The following ANAPC11 variants were observed in gnomAD, a reference collection of about 807,000 sequenced individuals.
ANAPC11 encodes the protein anaphase-promoting complex subunit 11.
Under a neutral mutation model 11.8 loss-of-function variants are expected in ANAPC11, and 5 were observed. That is an observed-to-expected ratio of 0.42 (90% CI 0.22 to 0.89). The LOEUF (loss-of-function observed/expected upper bound fraction) is 0.89. Ranked by LOEUF, ANAPC11 falls within the 40% of genes least tolerant of loss-of-function variation. The pLI is 0.28. For missense variants in ANAPC11, 68 were observed against 112.9 expected, an observed-to-expected ratio of 0.60 and a Z score of 1.80; for synonymous variants, 45 against 41.0, an observed-to-expected ratio of 1.10 and a Z score of -0.38.
chr17:81,895,430 T>C (rs1220606486), intron 3 of ANAPC11, among the ~76,000 whole-genome samples: 2 of 152,144 alleles, frequency 1.3e-5, no homozygotes, highest in Non-Finnish European at 2.9e-5. Context: ...TATATAAAGA[T>C]CCTGTCACAG....
At position 81,899,569 on chromosome 17, in the gene ANAPC11, C is replaced by G. The variant is rs367604570; in HGVS notation, c.110-351C>G. 5.4e-5 allele frequency: 87 copies of G among 1,603,066 alleles called. 1 individual carries two copies. Among genetic ancestry groups the G allele is most frequent in the Non-Finnish European group, 6.8e-5 (80 of 1,172,986 alleles). On this transcript the variant is annotated intron_variant, in intron 3 of 3. Transcript: ENST00000344877. The stretch of plus-strand genomic sequence containing the variant: ...TCAGACATTGCCCTTTTTCCCCAGC[C>G]TCAAGCACAGGGGACACAGGGTGGG...
At chr17:81,892,761 G>A (rs968802312) in intron 1 of ANAPC11, among the ~76,000 whole-genome samples, 4 of 151,926 alleles carry the variant, frequency 2.6e-5, no homozygotes, top group African/African-American at 9.7e-5. Flanking sequence ...GACCTCAGAT[G>A]ATCCGCCCGC....
intron 3 of ANAPC11, 129 bp downstream of exon 3, chr17:81,894,715 CTTTT>C (rs529200093): frequency 2.9e-3 from 1,046 of 358,284 alleles, no homozygotes; most frequent in South Asian, 6.5e-3. Flanking sequence ...GTTTCATTTT[CTTTT>C]TTTTTTTTTT....
chr17:81,899,409 G>T, intron 3 of ANAPC11: 4 of 1,613,956 alleles, frequency 2.5e-6, no homozygotes, highest in Non-Finnish European at 3.4e-6. Context: ...TAGGTCCCCA[G>T]ACCCCACCCC....
upstream of ANAPC11, chr17:81,890,884 ACGGCTACTCCGGACCCTTCCTCTTCC>A: frequency 1.2e-6 from 2 of 1,608,772 alleles, no homozygotes; most frequent in Non-Finnish European, 1.7e-6. Flanking sequence ...CCTGACCCTC[ACGGCTACTCCGGACCCTTCCTCTTCC>A]CGGCCTGAGA....
intron 1 of ANAPC11, 50 bp downstream of exon 1, chr17:81,891,891 G>A (rs1308770725): frequency 1.1e-5 from 2 of 185,704 alleles, no homozygotes; most frequent in Non-Finnish European, 2.3e-5. Flanking sequence ...GTGGGGCGGC[G>A]GCCGTTGGAG....
At chr17:81,896,182 A>G (rs749126562) in intron 3 of ANAPC11, among the ~76,000 whole-genome samples, 6 of 152,308 alleles carry the variant, frequency 3.9e-5, no homozygotes, top group Middle Eastern at 3.4e-3. Flanking sequence ...GCACTTTGGG[A>G]GGCCGAGGTG....
In ANAPC11 at chr17:81,899,784, C is replaced by A; in HGVS notation, c.110-136C>A. 3.9e-6 allele frequency: 4 copies of A among 1,029,690 alleles called. No homozygotes were observed. In the South Asian group the frequency reaches 6.7e-5, roughly 17 times the overall value. 63.8% of individuals were successfully genotyped at this position (1,029,690 alleles called of 1,614,324 possible). On this transcript the variant is annotated intron_variant, in intron 3 of 3. Coordinates refer to ENST00000344877, the MANE Select transcript of ANAPC11 (RefSeq NM_001002248.3). The stretch of plus-strand genomic sequence containing the variant: ...ACCGATTGGGTAACACTCCTGATTT[C>A]GGCTTCTCTGAAACATGAGAGGCTG...
intron 3 of ANAPC11, chr17:81,899,060 A>G (rs2039841128): frequency 1.5e-6 from 1 of 659,370 alleles, no homozygotes; most frequent in Non-Finnish European, 2.6e-6. Flanking sequence ...CGCTGCCAGG[A>G]CAGGAGGGTG....
At chr17:81,896,129 C>A (rs2039733570) in intron 3 of ANAPC11, among the ~76,000 whole-genome samples, 1 of 151,454 alleles carries the variant, frequency 6.6e-6, no homozygotes, top group Non-Finnish European at 1.5e-5. Flanking sequence ...ACTAAAAATC[C>A]AAAAAAATTA....
At chr17:81,891,084 C>T (rs1469574942), upstream of ANAPC11, 1 of 673,974 alleles carries the variant, frequency 1.5e-6, no homozygotes, top group African/African-American at 1.8e-5. Context: ...CACGAGGCCC[C>T]AACGTCCGGA....
At chr17:81,898,937 G>A in intron 3 of ANAPC11, 1 of 441,846 alleles carries the variant, frequency 2.3e-6, no homozygotes, top group Non-Finnish European at 4.1e-6. Context: ...CAGGGGGCTA[G>A]CAGGCTTCAG....
At chr17:81,894,969 C>G (rs575327073) in intron 3 of ANAPC11, 108 of 190,100 alleles carry the variant, frequency 5.7e-4, no homozygotes, top group African/African-American at 2.4e-3. Flanking sequence ...CTGCCCGCTT[C>G]AGCCTTCCAA....
In ANAPC11 at chr17:81,891,793, A is replaced by C; in HGVS notation, c.-123A>C. 1 of 264,600 alleles carries C rather than the reference A, an allele frequency of 3.8e-6. No homozygotes were observed. The highest frequency in any genetic ancestry group is 7.0e-6 in the Non-Finnish European group (1 of 143,722). 16.4% of individuals were successfully genotyped at this position (264,600 alleles called of 1,614,324 possible). ...GGGCCGCGACTGTGGTCGTTTTTAT[A>C]CCTTCCCGCGCGGACGCCGGCGCTG... On this transcript the variant is annotated 5_prime_UTR_variant, in exon 1 of 4. Transcript: ENST00000344877.
chr17:81,898,186 C>T (rs2039807085), intron 3 of ANAPC11: 2 of 152,410 alleles, frequency 1.3e-5, no homozygotes, highest in Middle Eastern at 6.8e-3. Flanking sequence ...AGGCATTCGA[C>T]TTCTGGAGCA....
chr17:81,893,602 T>C lies in ANAPC11; in HGVS notation c.-24T>C, dbSNP rs2039629671. The C allele has an allele frequency of 1.3e-5, 2 of 152,112 alleles. No individual in the cohort carries two copies. Among genetic ancestry groups the C allele is most frequent in the African/African-American group, 2.4e-5 (1 of 41,404 alleles). The allele number at this position is 152,112 out of a possible 1,614,324, so 9.4% of individuals were successfully genotyped here. ...GGCCCATTTGAGATCTTTGAAGATA[T>C]CCTCAACGTGAGGTAAAACCAAACT... is the stretch of plus-strand genomic sequence containing the variant. On this transcript the variant is annotated 5_prime_UTR_variant, in exon 2 of 4. Transcript: ENST00000344877.
In ANAPC11 at chr17:81,899,353, C is replaced by T. The variant is rs142049212; in HGVS notation, c.110-567C>T. ...GTGCCCATCAACACAGCTTCCCCAA[C>T]GCCTGGGCAGCACACCGGATCCCTG... On this transcript the variant is annotated intron_variant, in intron 3 of 3. Coordinates refer to ENST00000344877, the MANE Select transcript of ANAPC11 (RefSeq NM_001002248.3). 1.5e-4 allele frequency: 235 copies of T among 1,613,856 alleles called. No homozygotes were observed. In the African/African-American group the frequency reaches 2.0e-3, roughly 14 times the overall value.
At chr17:81,899,630 G>C (rs2039871515) in intron 3 of ANAPC11, 2 of 1,434,146 alleles carry the variant, frequency 1.4e-6, no homozygotes, top group Admixed American at 2.1e-5. Context: ...AGAGGCCCCT[G>C]GGCTCCCCAC....
upstream of ANAPC11, chr17:81,891,341 T>A: frequency 8.6e-7 from 1 of 1,158,318 alleles, no homozygotes. Context: ...AGGGCGCCGG[T>A]CGGTTCCTGC....
Sources: gnomAD v4.1 joint callset for allele counts (sites outside exome capture counted in the v4.1 genomes callset) on GRCh38, gnomAD v4.1.1 for gene constraint, MANE v1.5 for transcripts, NCBI Gene and HGNC (gene_info 2026-07-23, HGNC 2026-07-21) for gene names.